Variants in CAMTA2 observed in about 807,000 individuals in gnomAD.
The protein encoded by CAMTA2 is calmodulin binding transcription activator 2.
CAMTA2 carries 56 observed loss-of-function variants against 135.7 expected under a neutral mutation model. The observed-to-expected ratio is 0.41, with a 90% confidence interval of 0.33 to 0.52. The LOEUF is 0.52. Among genes scored for constraint, CAMTA2 ranks in the 20% least tolerant of loss-of-function variants. The pLI is 0.16. For synonymous variants in CAMTA2, 591 were observed against 604.6 expected (o/e 0.98, Z 0.33); for missense variants, 1,358 against 1,553.4 (o/e 0.87, Z 2.11).
At chr17:4,970,804 C>G (rs986041503) in intron 16 of CAMTA2, among the ~76,000 whole-genome samples, 10 of 152,234 alleles carry the variant, frequency 6.6e-5, no homozygotes, top group Admixed American at 6.5e-4. Flanking sequence ...GACACCCTTT[C>G]AGGCCAACCA....
At chr17:4,973,954 TC>T in intron 12 of CAMTA2, 185 bp from the exon 13 acceptor site, 1 of 588,898 alleles carries the variant, frequency 1.7e-6, no homozygotes. Context: ...AGCCACTTCC[TC>T]CAGCAGCCAG....
At chr17:4,974,882 C>T (rs1354221717) in intron 11 of CAMTA2, among the ~76,000 whole-genome samples, 1 of 152,178 alleles carries the variant, frequency 6.6e-6, no homozygotes, top group Non-Finnish European at 1.5e-5. Context: ...CTACCTTTGT[C>T]CCCCATGGTG....
In CAMTA2 at chr17:4,970,082, T is replaced by C. The variant is rs377674300; in HGVS notation, c.3009A>G (p.Glu1003=). ...DHFPSSTPPS[E]LPFERGRLAV... ...CCAGGCGACCTCGCTCAAAGGGCAG[T>C]TCGCTGTAGGCGGTAGGGAAAGAGG... is the stretch of plus-strand genomic sequence containing the variant. Residue 1003 remains glutamate (E), a synonymous_variant, in exon 18 of 23, where the codon GAA becomes GAG. Transcript: ENST00000348066. The C allele has an allele frequency of 1.9e-6, 3 of 1,613,644 alleles. No homozygotes were observed. The African/African-American group carries it at 4.0e-5, about 22-fold the overall frequency.
rs1597761716 is a variant in CAMTA2 at position 4,980,250 on chromosome 17, C to T, written c.1072G>A (p.Val358Met). The T allele has an allele frequency of 1.3e-6, 2 of 1,588,662 alleles. No individual in the cohort carries two copies. Among genetic ancestry groups the T allele is most frequent in the South Asian group, 2.3e-5 (2 of 87,564 alleles). ...ADPRPSMSLA[V>M]VVGTEPSAPP... The stretch of plus-strand genomic sequence containing the variant: ...GCAGAAGGCTCAGTGCCTACAACCA[C>T]TGCCAAACTCATGGAAGGCCTAGGA... The change falls in exon 9 of 23, where the codon GTG becomes ATG. Residue 358 changes from valine (V) to methionine (M), a missense_variant. By Grantham distance (21) the Val-to-Met change is conservative. Around this residue, in one of 4 missense-constraint regions of CAMTA2, gnomAD observed 1,077 missense variants for 1,127.5 expected, o/e 0.96. Coordinates refer to ENST00000348066, the MANE Select transcript of CAMTA2 (RefSeq NM_015099.4). This position sits in a 1 kb window ranked among gnomAD's most constrained non-coding sequence, Gnocchi z 5.3.
At chr17:4,983,077 C>T in intron 3 of CAMTA2, 34 bp from the exon 4 acceptor site, 4 of 1,573,278 alleles carry the variant, frequency 2.5e-6, no homozygotes, top group Non-Finnish European at 3.5e-6. Context: ...TGGGCATCTC[C>T]TTCACAGAGA....
In CAMTA2 at chr17:4,968,060, G is replaced by A. The variant is rs1972020418; in HGVS notation, c.*696C>T. The A allele has an allele frequency of 1.9e-6, 1 of 519,700 alleles. No individual in the cohort carries two copies. 32.2% of individuals were successfully genotyped at this position (519,700 alleles called of 1,614,324 possible). A position where few individuals can be genotyped will look rare whatever the true frequency, so the allele number is the denominator to read the frequency against. On this transcript the variant is annotated 3_prime_UTR_variant, in exon 23 of 23. Coordinates refer to ENST00000348066, the MANE Select transcript of CAMTA2 (RefSeq NM_015099.4). Reference sequence around the variant, plus strand: ...GCCCATGCACAAGTAGAAAGTGCCCGTGGAGCCGGCAGGAGGCCCCCGCCG... The same window carrying A: ...GCCCATGCACAAGTAGAAAGTGCCCATGGAGCCGGCAGGAGGCCCCCGCCG...
intron 1 of CAMTA2, chr17:4,986,493 G>A (rs1973318067): frequency 3.6e-6 from 2 of 555,212 alleles, no homozygotes; most frequent in South Asian, 2.2e-5. Context: ...TGGACAGGAA[G>A]AGTGAGCAGG....
chr17:4,973,648 C>G lies in CAMTA2; in HGVS notation c.2138G>C (p.Ser713Thr). The G allele has an allele frequency of 6.2e-7, 1 of 1,614,198 alleles. No individual in the cohort carries two copies. The highest frequency in any genetic ancestry group is 1.1e-5 in the South Asian group (1 of 91,082). The change falls in exon 13 of 23, where the codon AGC (serine) becomes ACC (threonine). Residue 713 changes from serine (S) to threonine (T), a missense_variant. Transcript: ENST00000348066. Reference protein sequence around the residue: ...LAHGSPFRGMSLLHLAAAQGY... With the variant: ...LAHGSPFRGMTLLHLAAAQGY... The stretch of plus-strand genomic sequence containing the variant: ...CTGGGCAGCAGCCAGGTGCAGAAGG[C>G]TCATGCCCCGGAAGGGGCTTCCATG...
At chr17:4,973,409 G>T (rs1972426018) in intron 13 of CAMTA2, among the ~76,000 whole-genome samples, 156 bp from the exon 14 acceptor site, 1 of 152,216 alleles carries the variant, frequency 6.6e-6, no homozygotes, top group African/African-American at 2.4e-5. Flanking sequence ...AAGTCAAAGT[G>T]TTGTAAGTCA....
At chr17:4,970,943 C>G (rs550870128) in intron 16 of CAMTA2, among the ~76,000 whole-genome samples, 1 of 152,320 alleles carries the variant, frequency 6.6e-6, no homozygotes, top group Admixed American at 6.5e-5. Context: ...AACTACTACC[C>G]GGATGAATGG....
intron 1 of CAMTA2, chr17:4,986,887 A>C: frequency 7.8e-7 from 1 of 1,274,114 alleles, no homozygotes; most frequent in Non-Finnish European, 1.1e-6. Context: ...TCCGGCTGAC[A>C]GCCCTCTCTA....
chr17:4,979,128 A>G (rs905039983), intron 9 of CAMTA2, among the ~76,000 whole-genome samples: 1 of 152,214 alleles, frequency 6.6e-6, no homozygotes, highest in African/African-American at 2.4e-5. Flanking sequence ...TCCAGAAACC[A>G]TGCTAACACA....
chr17:4,969,568 G>GGT lies in CAMTA2; in HGVS notation c.3262-50_3262-49dup, dbSNP rs747296317. On this transcript the variant is annotated intron_variant, in intron 19 of 22. Transcript: ENST00000348066. The surrounding 1 kb of genome is among the most constrained non-coding windows in gnomAD (Gnocchi z 5.6). ...TAGGGCTCTGGCAACATTCTGGAATGGTTAGGCGTGGGTGTGGGTTGGTGG... is the reference window on the plus strand; with the variant it reads ...TAGGGCTCTGGCAACATTCTGGAATGGTGTTAGGCGTGGGTGTGGGTTGGTGG... 3.8e-5 allele frequency: 61 copies of GGT among 1,613,742 alleles called. No individual in the cohort carries two copies. The highest frequency in any genetic ancestry group is 5.0e-5 in the Non-Finnish European group (59 of 1,179,764).
At chr17:4,973,886 C>T in intron 12 of CAMTA2, 117 bp from the exon 13 acceptor site, 1 of 798,176 alleles carries the variant, frequency 1.3e-6, no homozygotes, top group South Asian at 1.8e-5. Context: ...CCCCACATGT[C>T]CCACTCTAGG....
In CAMTA2 at chr17:4,980,683, C is replaced by T. The variant is rs891985883; in HGVS notation, c.701-62G>A. 4.4e-5 allele frequency: 56 copies of T among 1,273,224 alleles called. No individual in the cohort carries two copies. The highest frequency in any genetic ancestry group is 5.4e-5 in the Non-Finnish European group (48 of 881,310). 78.9% of individuals were successfully genotyped at this position (1,273,224 alleles called of 1,614,324 possible). On this transcript the variant is annotated intron_variant, in intron 8 of 22. Coordinates refer to ENST00000348066, the MANE Select transcript of CAMTA2 (RefSeq NM_015099.4). The surrounding 1 kb of genome is among the most constrained non-coding windows in gnomAD (Gnocchi z 5.3). ...ACACATCATTCCGCACCTTCTCTAC[C>T]TTGAGGCCCTTAAAAGTATTTCCTG... is the stretch of plus-strand genomic sequence containing the variant.
chr17:4,975,935 G>T (rs1000096604), intron 11 of CAMTA2, among the ~76,000 whole-genome samples: 2 of 152,226 alleles, frequency 1.3e-5, no homozygotes, highest in Non-Finnish European at 2.9e-5. Context: ...ACGTATGTAT[G>T]TGCCTCTATG....
Position 4,979,820 on chromosome 17 carries a change from A to G in CAMTA2, c.1502T>C (p.Phe501Ser). ...AAGGTCTGGGAATGATGAAAGACTGAAGGGCTCCAGTTCACTGGCCCCAAC... is the reference window on the plus strand; with the variant it reads ...AAGGTCTGGGAATGATGAAAGACTGGAGGGCTCCAGTTCACTGGCCCCAAC... ...GPVGASELEP[F>S]SLSSFPDLMG... Residue 501 changes from phenylalanine to serine, a missense_variant, in exon 9 of 23, where the codon TTC becomes TCC. Phe to Ser is a radical substitution (Grantham distance 155). Around this residue, in one of 4 missense-constraint regions of CAMTA2, gnomAD observed 1,077 missense variants for 1,127.5 expected, o/e 0.96. Coordinates refer to ENST00000348066, the MANE Select transcript of CAMTA2 (RefSeq NM_015099.4). 2 of 1,613,902 alleles carry G rather than the reference A, an allele frequency of 1.2e-6. No homozygotes were observed. The highest frequency in any genetic ancestry group is 1.7e-6 in the Non-Finnish European group (2 of 1,179,950).
chr17:4,970,492 C>A lies in CAMTA2; in HGVS notation c.2853G>T (p.Pro951=), dbSNP rs149597137. The part of the protein sequence containing the change: ...SLAKQIIEAT[P]ERIKREDFVG... Reference sequence around the variant, plus strand: ...CGAAGTCCTCTCGTTTAATCCGCTCCGGTGTGGCTTCGATGATCTGCTTGG... The same window carrying A: ...CGAAGTCCTCTCGTTTAATCCGCTCAGGTGTGGCTTCGATGATCTGCTTGG... The change falls in exon 17 of 23, where the codon CCG becomes CCT. Residue 951 remains proline (P), a synonymous_variant. Transcript: ENST00000348066. 266 of 1,613,800 alleles carry A rather than the reference C, an allele frequency of 1.6e-4. No homozygotes were observed. The African/African-American group carries it at 3.0e-3, about 18-fold the overall frequency.
chr17:4,984,140 C>T (rs551653579), intron 3 of CAMTA2, among the ~76,000 whole-genome samples: 2 of 151,892 alleles, frequency 1.3e-5, no homozygotes, highest in South Asian at 2.1e-4. Flanking sequence ...TTAGTAGAGA[C>T]GGGGTTTCAC....
Sources: allele counts gnomAD v4.1 joint callset (sites outside exome capture counted in the v4.1 genomes callset), GRCh38; gene constraint gnomAD v4.1.1; regional missense constraint gnomAD v4.1.1; non-coding constraint Gnocchi (gnomAD v3.1); transcripts MANE v1.5; gene names NCBI Gene and HGNC (gene_info 2026-07-23, HGNC 2026-07-21).